SORCS2: variants seen among roughly 807,000 people sequenced by gnomAD.
SORCS2 encodes sortilin related VPS10 domain containing receptor 2, also known as VPS10 domain-containing receptor SorCS2.
Under a neutral mutation model 141.6 loss-of-function variants are expected in SORCS2, and 100 were observed. The observed-to-expected ratio is 0.71, with a 90% CI of 0.60 to 0.83. The LOEUF (loss-of-function observed/expected upper bound fraction) is 0.83. Among genes scored for constraint, SORCS2 ranks in the 40% least tolerant of loss-of-function variants. The probability of loss-of-function intolerance (pLI) is 0.00; values close to 1 mark genes in which losing one functional copy is unlikely to be tolerated. For synonymous variants in SORCS2, 789 were observed against 676.9 expected, an observed-to-expected ratio of 1.17 and a Z score of -2.57; for missense variants, 1,646 against 1,560.2, an observed-to-expected ratio of 1.05 and a Z score of -0.93.
rs183951010 is a variant in SORCS2 at position 7,378,611 on chromosome 4, C to T, written c.481-17677C>T. On this transcript the variant is annotated intron_variant, in intron 1 of 26. Transcript: ENST00000507866. ...TGATTCAATTATCTCCACCTGGTCC[C>T]GCCCTTGACACGTGGAGATTATTGC... Among the ~76,000 whole-genome samples, 332 of 152,278 alleles carry T rather than the reference C, an allele frequency of 2.2e-3. 1 individual carries two copies. The highest frequency in any genetic ancestry group is 3.7e-3 in the Admixed American group (57 of 15,310).
chr4:7,485,897 A>G (rs1174616500), intron 2 of SORCS2, among the ~76,000 whole-genome samples: 2 of 152,110 alleles, frequency 1.3e-5, no homozygotes, highest in Non-Finnish European at 2.9e-5. Flanking sequence ...AGGCTCTGGG[A>G]TGTGGCACCA....
intron 3 of SORCS2, among the ~76,000 whole-genome samples, chr4:7,594,339 C>T (rs373860578): frequency 4.6e-5 from 7 of 152,296 alleles, no homozygotes; most frequent in South Asian, 2.1e-4. Context: ...TGGGAAATAA[C>T]GGGAATGCAA....
At chr4:7,422,426 C>A (rs909109757) in intron 2 of SORCS2, among the ~76,000 whole-genome samples, 1 of 152,142 alleles carries the variant, frequency 6.6e-6, no homozygotes, top group Non-Finnish European at 1.5e-5. Flanking sequence ...GGACACTGCC[C>A]GTGGGCCCAC....
intron 1 of SORCS2, among the ~76,000 whole-genome samples, chr4:7,338,157 T>C (rs55895015): frequency 4.6e-4 from 53 of 114,418 alleles, no homozygotes; most frequent in African/African-American, 1.7e-3. Flanking sequence ...TGGATGGATG[T>C]TGGTTGGATG....
chr4:7,417,449 T>TGG (rs1388792925), intron 2 of SORCS2, among the ~76,000 whole-genome samples: 1 of 152,102 alleles, frequency 6.6e-6, no homozygotes, highest in Non-Finnish European at 1.5e-5. Context: ...GATGGTAGCT[T>TGG]GGGGGTAGAA....
intron 1 of SORCS2, among the ~76,000 whole-genome samples, chr4:7,288,104 G>A (rs182041229): frequency 1.3e-5 from 2 of 152,282 alleles, no homozygotes; most frequent in East Asian, 1.9e-4. Context: ...CCGGGGTTTC[G>A]ATGCAGTGTT....
intron 1 of SORCS2, among the ~76,000 whole-genome samples, chr4:7,319,373 G>A (rs779432723): frequency 5.3e-5 from 8 of 151,992 alleles, no homozygotes; most frequent in Admixed American, 2.6e-4. Flanking sequence ...TGGACCCTCC[G>A]ACTTGTCTCG....
intron 1 of SORCS2, among the ~76,000 whole-genome samples, chr4:7,393,130 C>T (rs1043860708): frequency 6.6e-6 from 1 of 152,086 alleles, no homozygotes. Flanking sequence ...TGATGAGTGG[C>T]AGCCGCGGCC....
intron 1 of SORCS2, among the ~76,000 whole-genome samples, chr4:7,266,321 G>A (rs905569851): frequency 7.2e-5 from 11 of 152,172 alleles, no homozygotes; most frequent in Non-Finnish European, 1.0e-4. Flanking sequence ...GTGAAGTGTC[G>A]GAGCTTCCTA....
intron 1 of SORCS2, among the ~76,000 whole-genome samples, chr4:7,366,566 C>G (rs1721911201): frequency 6.6e-6 from 1 of 150,568 alleles, no homozygotes; most frequent in African/African-American, 2.4e-5. Flanking sequence ...TCCTCATCAG[C>G]CTTGCTAGTT....
At chr4:7,682,620 T>C (rs573556877) in intron 9 of SORCS2, 123 bp from the exon 10 acceptor site, 2 of 947,466 alleles carry the variant, frequency 2.1e-6, no homozygotes, top group Admixed American at 5.2e-5. Flanking sequence ...CTGCTGGACA[T>C]TGTGACTGTG....
At chr4:7,304,967 G>C (rs1305112648) in intron 1 of SORCS2, among the ~76,000 whole-genome samples, 1 of 152,188 alleles carries the variant, frequency 6.6e-6, no homozygotes, top group Non-Finnish European at 1.5e-5. Context: ...GGCTTCTGGC[G>C]GGGTGACACC....
intron 2 of SORCS2, among the ~76,000 whole-genome samples, chr4:7,484,661 T>G (rs939478235): frequency 1.3e-5 from 2 of 152,144 alleles, no homozygotes; most frequent in Admixed American, 1.3e-4. Flanking sequence ...TGATCCCAGT[T>G]TAAAAGCTAA....
At chr4:7,195,956 A>G (rs972345799) in intron 1 of SORCS2, among the ~76,000 whole-genome samples, 1 of 152,230 alleles carries the variant, frequency 6.6e-6, no homozygotes, top group African/African-American at 2.4e-5. Context: ...GTGTTCTTCA[A>G]AATTAAAAGG....
At chr4:7,425,572 G>A (rs1291607373) in intron 2 of SORCS2, among the ~76,000 whole-genome samples, 1 of 152,172 alleles carries the variant, frequency 6.6e-6, no homozygotes, top group Non-Finnish European at 1.5e-5. Flanking sequence ...CCTTTCCTTG[G>A]TCTCACAGAG....
intron 17 of SORCS2, 52 bp from the exon 18 acceptor site, chr4:7,717,960 C>T (rs2109048309): frequency 6.6e-7 from 1 of 1,512,352 alleles, no homozygotes; most frequent in East Asian, 2.5e-5. Flanking sequence ...TATGGGGCCC[C>T]ATCCCTTGCC....
chr4:7,401,011 ATGAAT>A (rs1724552964), intron 2 of SORCS2, among the ~76,000 whole-genome samples: 1 of 151,836 alleles, frequency 6.6e-6, no homozygotes, highest in African/African-American at 2.4e-5. Context: ...AGGTGGATAG[ATGAAT>A]TGATGGACAG....
intron 3 of SORCS2, among the ~76,000 whole-genome samples, chr4:7,535,005 G>A (rs1265549103): frequency 6.6e-6 from 1 of 152,202 alleles, no homozygotes; most frequent in Non-Finnish European, 1.5e-5. Context: ...CAGCCACCCA[G>A]ATGGAACTGG....
In SORCS2 at chr4:7,682,691, C is replaced by T. The variant is rs545155682; in HGVS notation, c.1342-52C>T. ...GGCTGGAGCATGGTGGATACTTGGT[C>T]ATCAGAGTGCTCCAGTGTAAGTTTA... On this transcript the variant is annotated intron_variant, in intron 9 of 26. Coordinates refer to ENST00000507866, the MANE Select transcript of SORCS2 (RefSeq NM_020777.3). 1.8e-5 allele frequency: 28 copies of T among 1,545,632 alleles called. No homozygotes were observed. In the South Asian group the frequency reaches 3.0e-4, roughly 17 times the overall value.
Sources: allele counts gnomAD v4.1 joint callset (sites outside exome capture counted in the v4.1 genomes callset), GRCh38; gene constraint gnomAD v4.1.1; transcripts MANE v1.5; gene names NCBI Gene and HGNC (gene_info 2026-07-23, HGNC 2026-07-21).